FAM83B: variants seen among roughly 807,000 people sequenced by gnomAD.
FAM83B encodes protein FAM83B.
FAM83B carries 26 observed loss-of-function variants against 38.8 expected under a neutral mutation model. The ratio of observed to expected loss-of-function variants is 0.67; its 90% confidence interval spans 0.49 to 0.93. The LOEUF is 0.93. Ranked by LOEUF, FAM83B falls within the 40% of genes least tolerant of loss-of-function variation. FAM83B has a pLI of 0.00. For synonymous variants in FAM83B, 419 were observed against 423.1 expected (o/e 0.99, Z 0.12); for missense variants, 1,237 against 1,197.3 (o/e 1.03, Z -0.49).
chr6:54,908,753 A>G (rs890617903), intron 2 of FAM83B, among the ~76,000 whole-genome samples: 1 of 152,146 alleles, frequency 6.6e-6, no homozygotes, highest in Non-Finnish European at 1.5e-5. Flanking sequence ...CAAGAATGGA[A>G]CTTTGAATCA....
rs1771824072 is a variant in FAM83B, at chr6:54,870,552, A to C, written c.306A>C (p.Pro102=). 1 of 1,614,094 alleles carries C rather than the reference A, an allele frequency of 6.2e-7. No individual in the cohort carries two copies. Among genetic ancestry groups the C allele is most frequent in the East Asian group, 2.2e-5 (1 of 44,880 alleles). Residue 102 remains proline, a synonymous_variant, in exon 2 of 5, where the codon CCA becomes CCC. Coordinates refer to ENST00000306858, the MANE Select transcript of FAM83B (RefSeq NM_001010872.3). Reference sequence around the variant, plus strand: ...CTGTTGAGTCTGATGTGGAAGCTCCAAATCTTGACTTAGGCTGGCCATATG... The same window carrying C: ...CTGTTGAGTCTGATGTGGAAGCTCCCAATCTTGACTTAGGCTGGCCATATG... ...YWPVESDVEA[P]NLDLGWPYVM...
chr6:54,930,970 A>G (rs1332312543), intron 4 of FAM83B, among the ~76,000 whole-genome samples: 1 of 152,110 alleles, frequency 6.6e-6, no homozygotes, highest in Non-Finnish European at 1.5e-5. Flanking sequence ...TGCTTTTGCT[A>G]CATCTCATAA....
chr6:54,848,417 T>C (rs1771192281), intron 1 of FAM83B, among the ~76,000 whole-genome samples: 1 of 152,176 alleles, frequency 6.6e-6, no homozygotes, highest in Middle Eastern at 3.2e-3. Flanking sequence ...TGAGAATTTA[T>C]TGTGGGAAGC....
At chr6:54,911,057 C>A (rs1052361983) in intron 2 of FAM83B, among the ~76,000 whole-genome samples, 1 of 151,130 alleles carries the variant, frequency 6.6e-6, no homozygotes, top group Non-Finnish European at 1.5e-5. Flanking sequence ...AGCTATTTTT[C>A]TTTTCTTAGT....
At chr6:54,925,688 T>G (rs7749972) in intron 2 of FAM83B, among the ~76,000 whole-genome samples, 44,191 of 151,924 alleles carry the variant, frequency 0.29, 9,717 homozygotes, top group African/African-American at 0.62. Flanking sequence ...ACCAAACATG[T>G]ATAAAATACT....
intron 2 of FAM83B, among the ~76,000 whole-genome samples, chr6:54,878,618 C>T (rs986310055): frequency 6.6e-6 from 1 of 151,924 alleles, no homozygotes; most frequent in Non-Finnish European, 1.5e-5. Context: ...TTGTTGGACC[C>T]GACAGCAAAG....
intron 2 of FAM83B, among the ~76,000 whole-genome samples, chr6:54,886,971 A>C (rs890428507): frequency 1.3e-5 from 2 of 152,036 alleles, no homozygotes; most frequent in Admixed American, 1.3e-4. Flanking sequence ...GATTATTCAG[A>C]AGTGTTTGTT....
At chr6:54,846,280 C>A (rs1308249934), upstream of FAM83B, among the ~76,000 whole-genome samples, 1 of 152,220 alleles carries the variant, frequency 6.6e-6, no homozygotes, top group Non-Finnish European at 1.5e-5. Context: ...CCCACACTCT[C>A]GAAGGTGCTA....
chr6:54,919,436 G>A (rs896959612), intron 2 of FAM83B, among the ~76,000 whole-genome samples: 3 of 152,042 alleles, frequency 2.0e-5, no homozygotes, highest in Non-Finnish European at 4.4e-5. Context: ...TAATTTTGCT[G>A]TAACAGAACC....
In FAM83B at chr6:54,941,554, A is replaced by G. The variant is rs778095315; in HGVS notation, c.2583A>G (p.Pro861=). ...CATCTCAAGAGATAAATGCTCCACC[A>G]GATGAAAATAAAAGAACACCTTCTC... ...VSPSQEINAP[P]DENKRTPSPG... The change falls in exon 5 of 5, where the codon CCA becomes CCG. Residue 861 remains proline, a synonymous_variant. Coordinates refer to ENST00000306858, the MANE Select transcript of FAM83B (RefSeq NM_001010872.3). 2 of 1,614,096 alleles carry G rather than the reference A, an allele frequency of 1.2e-6. No homozygotes were observed. Among genetic ancestry groups the G allele is most frequent in the Non-Finnish European group, 1.7e-6 (2 of 1,180,014 alleles).
intron 1 of FAM83B, among the ~76,000 whole-genome samples, chr6:54,850,098 A>G (rs1771237758): frequency 6.6e-6 from 1 of 152,204 alleles, no homozygotes; most frequent in African/African-American, 2.4e-5. Context: ...CAGTTTAGGA[A>G]CCTAATGATA....
At chr6:54,930,621 A>G (rs1201941359) in intron 4 of FAM83B, among the ~76,000 whole-genome samples, 1 of 152,094 alleles carries the variant, frequency 6.6e-6, no homozygotes, top group Non-Finnish European at 1.5e-5. Context: ...TTGGTAAGGT[A>G]TTACCCCATA....
rs373563823 is a variant in FAM83B, at chr6:54,941,748, C to T, written c.2777C>T (p.Ser926Phe). ...PRPTSSELLRSHSTDRRVYSR... is the reference protein window; with the variant it reads ...PRPTSSELLRFHSTDRRVYSR... ...CCAACGTCCAGTGAGCTTCTACGAT[C>T]TCATTCAACTGATCGGCGTGTTTAC... Residue 926 changes from serine to phenylalanine, a missense_variant, in exon 5 of 5, where the codon TCT becomes TTT. Physicochemically the swap from Ser to Phe is radical, Grantham distance 155 (BLOSUM62 -2). Coordinates refer to ENST00000306858, the MANE Select transcript of FAM83B (RefSeq NM_001010872.3). The T allele has an allele frequency of 6.2e-7, 1 of 1,614,114 alleles. No homozygotes were observed. Among genetic ancestry groups the T allele is most frequent in the Admixed American group, 1.7e-5 (1 of 59,980 alleles).
intron 2 of FAM83B, among the ~76,000 whole-genome samples, chr6:54,925,518 C>A (rs1029515740): frequency 2.0e-5 from 3 of 152,138 alleles, no homozygotes; most frequent in African/African-American, 7.2e-5. Flanking sequence ...TCTTAGGGAC[C>A]TGTTCTTTAG....
intron 2 of FAM83B, among the ~76,000 whole-genome samples, chr6:54,889,349 C>G (rs1371108574): frequency 6.6e-6 from 1 of 151,996 alleles, no homozygotes; most frequent in East Asian, 1.9e-4. Flanking sequence ...TTTATTTATG[C>G]AGTGCACATA....
chr6:54,883,799 A>G (rs890199155), intron 2 of FAM83B, among the ~76,000 whole-genome samples: 7 of 150,568 alleles, frequency 4.6e-5, no homozygotes, highest in Non-Finnish European at 8.9e-5. Flanking sequence ...TTCTTAATTT[A>G]TAGAAATTCT....
chr6:54,885,260 G>C (rs1772247719), intron 2 of FAM83B, among the ~76,000 whole-genome samples: 1 of 152,060 alleles, frequency 6.6e-6, no homozygotes, highest in Non-Finnish European at 1.5e-5. Context: ...TCTAATCCAG[G>C]AACAAGGTAT....
chr6:54,915,304 A>G (rs930512510), intron 2 of FAM83B, among the ~76,000 whole-genome samples: 2 of 152,156 alleles, frequency 1.3e-5, no homozygotes, highest in African/African-American at 4.8e-5. Context: ...TGCTACAGTA[A>G]TTCTCCATGT....
rs1773724520 is a variant in FAM83B, at chr6:54,942,377, C to T, written c.*370C>T. On this transcript the variant is annotated 3_prime_UTR_variant, in exon 5 of 5. Coordinates refer to ENST00000306858, the MANE Select transcript of FAM83B (RefSeq NM_001010872.3). ...AAAAGGTCATACTACCCTCAGTAACCCTTTATAACATGTGTTTATAGTGTT... is the reference window on the plus strand; with the variant it reads ...AAAAGGTCATACTACCCTCAGTAACTCTTTATAACATGTGTTTATAGTGTT... Among the ~76,000 whole-genome samples the T allele has an allele frequency of 6.6e-6, 1 of 151,820 alleles. No individual in the cohort carries two copies. The highest frequency in any genetic ancestry group is 1.9e-4 in the East Asian group (1 of 5,176).
Sources: allele counts gnomAD v4.1 joint callset (sites outside exome capture counted in the v4.1 genomes callset), GRCh38; gene constraint gnomAD v4.1.1; transcripts MANE v1.5; gene names NCBI Gene and HGNC (gene_info 2026-07-23, HGNC 2026-07-21).